The following CFAP91 variants were observed in gnomAD, a reference collection of about 807,000 sequenced individuals.
CFAP91 encodes the protein cilia and flagella associated protein 91.
CFAP91 carries 85 observed loss-of-function variants against 95.9 expected under a neutral mutation model. That is an observed-to-expected ratio of 0.89 (90% CI 0.74 to 1.06). The LOEUF is 1.06. Ranked by LOEUF, CFAP91 falls within the 50% of genes least tolerant of loss-of-function variation. The pLI, the probability that CFAP91 is intolerant of heterozygous loss-of-function variation, is 0.00. For synonymous variants in CFAP91, 335 were observed against 327.5 expected, an observed-to-expected ratio of 1.02 and a Z score of -0.25; for missense variants, 962 against 943.4, an observed-to-expected ratio of 1.02 and a Z score of -0.26.
chr3:119,747,381 G>A (rs1291067550), intron 15 of CFAP91, 118 bp downstream of exon 15: 24 of 1,190,122 alleles, frequency 2.0e-5, no homozygotes, highest in East Asian at 5.0e-5. Flanking sequence ...ATACTTCAGC[G>A]TCCATTGTTT....
chr3:119,741,877 G>A (rs933300192), intron 13 of CFAP91, among the ~76,000 whole-genome samples: 3 of 152,156 alleles, frequency 2.0e-5, no homozygotes, highest in Non-Finnish European at 4.4e-5. Context: ...GAACTTTTGG[G>A]GGGTGAGGCA....
At chr3:119,713,322 G>A (rs1355971547) in intron 5 of CFAP91, 1 of 151,522 alleles carries the variant, frequency 6.6e-6, no homozygotes, top group Middle Eastern at 3.2e-3. Flanking sequence ...AGTTTCACAT[G>A]TTGGCCAGGC....
intron 17 of CFAP91, among the ~76,000 whole-genome samples, chr3:119,754,146 T>C (rs183041993): frequency 2.6e-4 from 40 of 152,188 alleles, no homozygotes; most frequent in Admixed American, 5.9e-4. Context: ...TTCTGGTGAG[T>C]TGTCAGGTGG....
chr3:119,739,632 C>T (rs894256896), intron 12 of CFAP91, among the ~76,000 whole-genome samples: 14 of 152,182 alleles, frequency 9.2e-5, no homozygotes, highest in Admixed American at 4.6e-4. Flanking sequence ...TACATTTTCT[C>T]ACCTGAATTT....
rs2054235218 is a variant in CFAP91 at position 119,747,121 on chromosome 3, A to G, written c.1909A>G (p.Lys637Glu). Residue 637 changes from lysine (K) to glutamate (E), a missense_variant, in exon 15 of 18, where the codon AAA becomes GAA. By Grantham distance (56) the Lys-to-Glu change is moderately conservative. Coordinates refer to ENST00000273390, the MANE Select transcript of CFAP91 (RefSeq NM_033364.4). Reference sequence around the variant, plus strand: ...GTATTATTGTTTTTTGCAGGTGGTTAAAGTTCACCATAGTACTATAAGCTC... The same window carrying G: ...GTATTATTGTTTTTTGCAGGTGGTTGAAGTTCACCATAGTACTATAAGCTC... ...EEDEIFKEVV[K>E]VHHSTISSYL... 1 of 1,570,616 alleles carries G rather than the reference A, an allele frequency of 6.4e-7. No homozygotes were observed. The highest frequency in any genetic ancestry group is 1.2e-5 in the South Asian group (1 of 82,182).
chr3:119,708,857 T>A (rs1379965375), intron 4 of CFAP91, among the ~76,000 whole-genome samples, 183 bp downstream of exon 4: 1 of 152,224 alleles, frequency 6.6e-6, no homozygotes, highest in Non-Finnish European at 1.5e-5. Flanking sequence ...TGATCCCTGT[T>A]TTACCAGTAA....
Position 119,732,482 on chromosome 3 carries a change from C to T in CFAP91, c.1201+6C>T, listed in dbSNP as rs764179528. ...CTATCTCAACACCTATGAAGGTAAG[C>T]AATTTACATAATTAGAAATCCAGTA... On this transcript the variant is annotated splice_donor_region_variant and intron_variant, in intron 9 of 17. Transcript: ENST00000273390. The T allele has an allele frequency of 5.9e-6, 9 of 1,536,478 alleles. No individual in the cohort carries two copies. In the African/African-American group the frequency reaches 1.1e-4, roughly 19 times the overall value.
At chr3:119,748,411 G>A (rs1385563384) in intron 16 of CFAP91, among the ~76,000 whole-genome samples, 1 of 152,140 alleles carries the variant, frequency 6.6e-6, no homozygotes, top group Non-Finnish European at 1.5e-5. Flanking sequence ...CCGGTGGCAT[G>A]TTTTTAAAGA....
At position 119,766,541 on chromosome 3, in the gene CFAP91, T is replaced by G. The variant is rs534069854; in HGVS notation, c.*1491T>G. The stretch of plus-strand genomic sequence containing the variant: ...GAAATAAACCATCGAGAACACAAAA[T>G]GACAAGTGAGTTAGGTTGGGCTGAT... On this transcript the variant is annotated 3_prime_UTR_variant, in exon 18 of 18. Coordinates refer to ENST00000273390, the MANE Select transcript of CFAP91 (RefSeq NM_033364.4). 2.0e-5 allele frequency: 3 copies of G among 152,012 alleles called. No individual in the cohort carries two copies. Among genetic ancestry groups the G allele is most frequent in the Non-Finnish European group, 4.4e-5 (3 of 67,994 alleles). The allele number at this position is 152,012 out of a possible 1,614,324, so 9.4% of individuals were successfully genotyped here. A position where few individuals can be genotyped will look rare whatever the true frequency, so the allele number is the denominator to read the frequency against.
At chr3:119,721,927 G>A (rs1372299720) in intron 6 of CFAP91, among the ~76,000 whole-genome samples, 1 of 152,134 alleles carries the variant, frequency 6.6e-6, no homozygotes, top group Non-Finnish European at 1.5e-5. Context: ...TGTAATCCCA[G>A]CACTTTGGGA....
At chr3:119,719,350 T>G (rs966445037) in intron 6 of CFAP91, among the ~76,000 whole-genome samples, 3 of 152,222 alleles carry the variant, frequency 2.0e-5, no homozygotes, top group African/African-American at 7.2e-5. Context: ...ATTCTATTCC[T>G]TGATCTGGGT....
At chr3:119,704,924 G>A (rs571531681) in intron 1 of CFAP91, among the ~76,000 whole-genome samples, 3 of 152,348 alleles carry the variant, frequency 2.0e-5, no homozygotes, top group South Asian at 4.1e-4. Context: ...GTATGGGTTT[G>A]TAGCCTAGGA....
chr3:119,745,342 TAGTG>T (rs1261473346), intron 14 of CFAP91, among the ~76,000 whole-genome samples: 7 of 152,190 alleles, frequency 4.6e-5, no homozygotes, highest in East Asian at 3.8e-4. Context: ...TGCATCTAGA[TAGTG>T]AGAAACACAG....
intron 6 of CFAP91, among the ~76,000 whole-genome samples, chr3:119,718,728 A>G (rs947993536): frequency 2.0e-5 from 3 of 152,212 alleles, no homozygotes; most frequent in African/African-American, 7.2e-5. Context: ...CTGTGGGAAA[A>G]TGATTGCAAA....
rs1487866520 is a variant in CFAP91 at position 119,739,277 on chromosome 3, C to A, written c.1484C>A (p.Ala495Asp). Residue 495 changes from alanine to aspartate, a missense_variant, in exon 12 of 18, where the codon GCT becomes GAT. By Grantham distance (126) the Ala-to-Asp change is moderately radical. Coordinates refer to ENST00000273390, the MANE Select transcript of CFAP91 (RefSeq NM_033364.4). ...TSNEEEEMEM[A>D]VIYLQKLLRG... ...TAGGAAGAAGAAGAAATGGAAATGGCTGTGATCTACCTTCAAAAGTTACTC... is the reference window on the plus strand; with the variant it reads ...TAGGAAGAAGAAGAAATGGAAATGGATGTGATCTACCTTCAAAAGTTACTC... 6.2e-7 allele frequency: 1 copy of A among 1,614,010 alleles called. No homozygotes were observed. The highest frequency in any genetic ancestry group is 2.2e-5 in the East Asian group (1 of 44,898).
intron 5 of CFAP91, among the ~76,000 whole-genome samples, chr3:119,712,580 TAAG>T (rs1431674822): frequency 3.9e-5 from 6 of 152,194 alleles, no homozygotes; most frequent in African/African-American, 4.8e-5. Flanking sequence ...ACTGAAAACA[TAAG>T]AAGCCATATA....
At chr3:119,760,711 A>G (rs2054522916) in intron 17 of CFAP91, among the ~76,000 whole-genome samples, 1 of 151,850 alleles carries the variant, frequency 6.6e-6, no homozygotes, top group Admixed American at 6.6e-5. Context: ...AATAGAAATC[A>G]GTAACAGGAG....
chr3:119,708,015 C>T (rs1245684731), intron 3 of CFAP91, among the ~76,000 whole-genome samples: 2 of 152,112 alleles, frequency 1.3e-5, no homozygotes, highest in Non-Finnish European at 2.9e-5. Context: ...GGCACAGTGG[C>T]TCACGCCTGT....
At chr3:119,718,899 A>G (rs1402970242) in intron 6 of CFAP91, among the ~76,000 whole-genome samples, 2 of 146,108 alleles carry the variant, frequency 1.4e-5, no homozygotes, top group Non-Finnish European at 3.0e-5. Flanking sequence ...TTTCACTCCT[A>G]AGTATACATC....
Sources: allele counts gnomAD v4.1 joint callset (sites outside exome capture counted in the v4.1 genomes callset), GRCh38; gene constraint gnomAD v4.1.1; transcripts MANE v1.5; gene names NCBI Gene and HGNC (gene_info 2026-07-23, HGNC 2026-07-21).